ZNF609: variants seen among roughly 807,000 people sequenced by gnomAD.
ZNF609 encodes zinc finger protein 609.
In ZNF609, 11 loss-of-function variants were observed where a neutral mutation model predicts 109.5. The observed-to-expected ratio is 0.10, with a 90% CI of 0.06 to 0.17. The LOEUF is 0.17. ZNF609 is among the 10% of genes least tolerant of loss of function. The pLI is 1.00. For synonymous variants in ZNF609, 646 were observed against 662.0 expected, an observed-to-expected ratio of 0.98 and a Z score of 0.37; for missense variants, 1,559 against 1,772.4, an observed-to-expected ratio of 0.88 and a Z score of 2.16.
intron 3 of ZNF609, among the ~76,000 whole-genome samples, chr15:64,653,505 G>T (rs1381481192): frequency 6.6e-6 from 1 of 152,196 alleles, no homozygotes; most frequent in Non-Finnish European, 1.5e-5. Flanking sequence ...AATTAGCTGG[G>T]TGTGGCGGCG....
chr15:64,560,376 T>C (rs972812530), intron 2 of ZNF609, among the ~76,000 whole-genome samples: 3 of 151,826 alleles, frequency 2.0e-5, no homozygotes, highest in African/African-American at 4.9e-5. Context: ...GTTTTTTTTT[T>C]TCCCCCCGCA....
chr15:64,595,189 G>A (rs1004536353), intron 2 of ZNF609, among the ~76,000 whole-genome samples: 28 of 150,718 alleles, frequency 1.9e-4, no homozygotes, highest in African/African-American at 5.4e-4. Context: ...GTGAAACCCC[G>A]TCTCTACTAA....
At chr15:64,671,249 A>G (rs1324858078) in intron 4 of ZNF609, 1 of 151,792 alleles carries the variant, frequency 6.6e-6, no homozygotes, top group Non-Finnish European at 1.5e-5. Flanking sequence ...AAAAAAAAAT[A>G]AAGTGTTCAG....
At chr15:64,510,178 C>G (rs1893700482) in intron 2 of ZNF609, among the ~76,000 whole-genome samples, 2 of 150,552 alleles carry the variant, frequency 1.3e-5, no homozygotes, top group Admixed American at 1.3e-4. Context: ...TAACTTTCAT[C>G]ACAACACATT....
At chr15:64,627,544 A>C (rs1156868465) in intron 3 of ZNF609, among the ~76,000 whole-genome samples, 1 of 152,050 alleles carries the variant, frequency 6.6e-6, no homozygotes, top group Non-Finnish European at 1.5e-5. Flanking sequence ...TATCTCTGCC[A>C]CTATCATTAT....
intron 3 of ZNF609, chr15:64,631,170 A>G: frequency 1.6e-6 from 1 of 610,840 alleles, no homozygotes; most frequent in Non-Finnish European, 3.1e-6. Context: ...ATTGGTTCTC[A>G]CAAAGTGTGC....
intron 2 of ZNF609, among the ~76,000 whole-genome samples, chr15:64,550,127 T>G (rs911917694): frequency 2.0e-5 from 3 of 152,064 alleles, no homozygotes; most frequent in African/African-American, 7.2e-5. Flanking sequence ...AATTTTTTTC[T>G]GTTTTTTTGT....
At chr15:64,637,909 G>T (rs1896197959) in intron 3 of ZNF609, among the ~76,000 whole-genome samples, 1 of 145,144 alleles carries the variant, frequency 6.9e-6, no homozygotes, top group Admixed American at 6.9e-5. Context: ...TTCTTTTATT[G>T]TTAGTGCTTT....
intron 2 of ZNF609, among the ~76,000 whole-genome samples, chr15:64,577,764 C>T (rs1002131064): frequency 6.6e-6 from 1 of 150,670 alleles, no homozygotes; most frequent in African/African-American, 2.4e-5. Flanking sequence ...GAGGCTGAGG[C>T]AGGAGAATCG....
intron 2 of ZNF609, among the ~76,000 whole-genome samples, chr15:64,616,042 G>T (rs1895793637): frequency 6.6e-6 from 1 of 151,852 alleles, no homozygotes; most frequent in African/African-American, 2.4e-5. Context: ...TTTCAGATAG[G>T]GTCTCTCATT....
chr15:64,572,276 G>A (rs748907579), intron 2 of ZNF609, among the ~76,000 whole-genome samples: 2 of 152,100 alleles, frequency 1.3e-5, no homozygotes, highest in Non-Finnish European at 2.9e-5. Context: ...TAGGCAGATC[G>A]TTTGAGTCTG....
intron 2 of ZNF609, among the ~76,000 whole-genome samples, chr15:64,603,825 C>T (rs1210640044): frequency 2.0e-5 from 3 of 151,136 alleles, no homozygotes; most frequent in Non-Finnish European, 4.4e-5. Context: ...ATGGTGAAAC[C>T]CATCTTTACT....
At chr15:64,523,754 C>T (rs1427436609) in intron 2 of ZNF609, among the ~76,000 whole-genome samples, 2 of 150,440 alleles carry the variant, frequency 1.3e-5, no homozygotes, top group East Asian at 3.9e-4. Flanking sequence ...CAGAGCAAGA[C>T]TCCATCTCAA....
At chr15:64,657,519 C>T (rs563449255) in intron 3 of ZNF609, among the ~76,000 whole-genome samples, 2 of 152,154 alleles carry the variant, frequency 1.3e-5, no homozygotes, top group Non-Finnish European at 2.9e-5. Context: ...GAGGCTGAGG[C>T]AGGAGAATCA....
chr15:64,621,164 C>G (rs531324311), intron 2 of ZNF609, among the ~76,000 whole-genome samples: 17 of 152,328 alleles, frequency 1.1e-4, no homozygotes, highest in Non-Finnish European at 2.2e-4. Flanking sequence ...TTTTCTAGGT[C>G]TGCTGATTAG....
At chr15:64,525,235 A>G (rs1893953300) in intron 2 of ZNF609, among the ~76,000 whole-genome samples, 1 of 152,142 alleles carries the variant, frequency 6.6e-6, no homozygotes, top group Non-Finnish European at 1.5e-5. Context: ...TATTTGATCC[A>G]TTTTGAGTTA....
intron 3 of ZNF609, among the ~76,000 whole-genome samples, chr15:64,655,122 T>C (rs1343244155): frequency 7.4e-6 from 1 of 134,690 alleles, no homozygotes; most frequent in African/African-American, 2.9e-5. Context: ...TAGCACCAAG[T>C]TGAGGGGAAA....
At position 64,529,325 on chromosome 15, in the gene ZNF609, T is replaced by TC. The variant is rs922408433; in HGVS notation, c.747+29165dup. On this transcript the variant is annotated intron_variant, in intron 2 of 9. Transcript: ENST00000326648. ...GGACAGAGATGTTGACCCTTTTGGC[T>TC]CCCCCCTGCAAGTGAGCCCCAGCCT... 7 of 722,210 alleles carry TC rather than the reference T, an allele frequency of 9.7e-6. No individual in the cohort carries two copies. In the African/African-American group the frequency reaches 1.2e-4, roughly 12 times the overall value. 44.7% of individuals were successfully genotyped at this position (722,210 alleles called of 1,614,324 possible). A position where few individuals can be genotyped will look rare whatever the true frequency, so the allele number is the denominator to read the frequency against.
intron 2 of ZNF609, among the ~76,000 whole-genome samples, chr15:64,597,540 A>G (rs768533390): frequency 6.6e-6 from 1 of 152,176 alleles, no homozygotes; most frequent in Non-Finnish European, 1.5e-5. Flanking sequence ...TAATTTGATA[A>G]GCAGCAGCGG....
Sources: gnomAD v4.1 joint callset for allele counts (sites outside exome capture counted in the v4.1 genomes callset) on GRCh38, gnomAD v4.1.1 for gene constraint, MANE v1.5 for transcripts, NCBI Gene and HGNC (gene_info 2026-07-23, HGNC 2026-07-21) for gene names.